The following TRIM4 variants were observed in gnomAD, a reference collection of about 807,000 sequenced individuals.
The protein encoded by TRIM4 is E3 ubiquitin-protein ligase TRIM4.
Under a neutral mutation model 33.7 loss-of-function variants are expected in TRIM4, and 29 were observed. That is an observed-to-expected ratio of 0.86 (90% confidence interval 0.64 to 1.17). The LOEUF (loss-of-function observed/expected upper bound fraction) is 1.17. Ranked by LOEUF, TRIM4 falls within the 50% of genes most tolerant of loss-of-function variation. The pLI, the probability that TRIM4 is intolerant of heterozygous loss-of-function variation, is 0.00. For missense variants in TRIM4, 554 were observed against 593.7 expected (o/e 0.93, Z 0.69); for synonymous variants, 224 against 233.0 (o/e 0.96, Z 0.35).
intron 1 of TRIM4, among the ~76,000 whole-genome samples, chr7:99,915,433 T>G (rs1020768370): frequency 1.3e-5 from 2 of 152,226 alleles, no homozygotes; most frequent in African/African-American, 4.8e-5. Context: ...TCCGGAGATT[T>G]ATGAAGCTAT....
Position 99,890,659 on chromosome 7 carries a change from A to G in TRIM4, c.*1504T>C, listed in dbSNP as rs940473781. 2.0e-5 allele frequency: 3 copies of G among 152,202 alleles called. No individual in the cohort carries two copies. Among genetic ancestry groups the G allele is most frequent in the Non-Finnish European group, 4.4e-5 (3 of 68,022 alleles). 9.4% of individuals were successfully genotyped at this position (152,202 alleles called of 1,614,324 possible). ...TCACATGTTCTCACGTATAAGGGAG[A>G]GCTAAACATTGAGTACCCATGGACA... On this transcript the variant is annotated 3_prime_UTR_variant, in exon 6 of 6. Transcript: ENST00000349062.
chr7:99,918,945 A>C, intron 1 of TRIM4, 64 bp downstream of exon 1: 1 of 1,508,012 alleles, frequency 6.6e-7, no homozygotes, highest in Non-Finnish European at 8.9e-7. Context: ...TTTTAGGAGC[A>C]TTAAGTAAAC....
At chr7:99,898,647 T>C (rs943168313) in intron 5 of TRIM4, among the ~76,000 whole-genome samples, 1 of 152,190 alleles carries the variant, frequency 6.6e-6, no homozygotes, top group Non-Finnish European at 1.5e-5. Flanking sequence ...GAGTTGCAAT[T>C]TGGAGACCTC....
Position 99,919,124 on chromosome 7 carries a change from G to A in TRIM4, c.278C>T (p.Pro93Leu), listed in dbSNP as rs201293187. 66 of 1,515,250 alleles carry A rather than the reference G, an allele frequency of 4.4e-5. No individual in the cohort carries two copies. The African/African-American group carries it at 9.4e-4, about 22-fold the overall frequency. 93.9% of individuals were successfully genotyped at this position (1,515,250 alleles called of 1,614,324 possible). A position where few individuals can be genotyped will look rare whatever the true frequency, so the allele number is the denominator to read the frequency against. Reference sequence around the variant, plus strand: ...GTCGTCCTCGCAGAAGAGCCGCAGCGGCTCCCAGTGGCGGCCGCACAGGCC... The same window carrying A: ...GTCGTCCTCGCAGAAGAGCCGCAGCAGCTCCCAGTGGCGGCCGCACAGGCC... ...PPGLCGRHWEPLRLFCEDDQR... is the reference protein window; with the variant it reads ...PPGLCGRHWELLRLFCEDDQR... Residue 93 changes from proline to leucine, a missense_variant, in exon 1 of 6, where the codon CCG becomes CTG. By Grantham distance (98) the Pro-to-Leu change is moderately conservative. Transcript: ENST00000349062.
At chr7:99,906,362 T>TG (rs1819306581) in intron 3 of TRIM4, among the ~76,000 whole-genome samples, 1 of 149,064 alleles carries the variant, frequency 6.7e-6, no homozygotes, top group South Asian at 2.1e-4. Flanking sequence ...GTGTCATACT[T>TG]TTTTTTTTTA....
chr7:99,917,292 A>T (rs1562780173), intron 1 of TRIM4, among the ~76,000 whole-genome samples: 1 of 152,268 alleles, frequency 6.6e-6, no homozygotes, highest in Non-Finnish European at 1.5e-5. Flanking sequence ...AATAGTAAGC[A>T]TCAATAAACG....
chr7:99,905,724 T>C (rs1819286793), intron 3 of TRIM4, among the ~76,000 whole-genome samples: 1 of 152,172 alleles, frequency 6.6e-6, no homozygotes, highest in Admixed American at 6.5e-5. Context: ...AAAATCACCC[T>C]GATTCAAAAC....
chr7:99,892,435 A>C lies in TRIM4; in HGVS notation c.1153T>G (p.Ser385Ala). Residue 385 changes from serine (S) to alanine (A), a missense_variant, in exon 6 of 6, where the codon TCC becomes GCC. This residue lies in a region of TRIM4 where 290 missense variants were observed against 335.8 expected (regional missense o/e 0.86). Transcript: ENST00000349062. Reference sequence around the variant, plus strand: ...ATCGCCCAGATGCCCACATCTGGGGACATTTTTGAACGATCAGTAATTCCC... The same window carrying C: ...ATCGCCCAGATGCCCACATCTGGGGCCATTTTTGAACGATCAGTAATTCCC... ...VMGITDRSKM[S>A]PDVGIWAIYW... 6.2e-7 allele frequency: 1 copy of C among 1,614,106 alleles called. No individual in the cohort carries two copies.
rs1818897425 is a variant in TRIM4 at position 99,891,782 on chromosome 7, C to T, written c.*381G>A. The T allele has an allele frequency of 5.4e-6, 1 of 185,096 alleles. No individual in the cohort carries two copies. The highest frequency in any genetic ancestry group is 1.1e-5 in the Non-Finnish European group (1 of 87,886). 11.5% of individuals were successfully genotyped at this position (185,096 alleles called of 1,614,324 possible). The stretch of plus-strand genomic sequence containing the variant: ...CGTAATTATCTCATATAACAAGAAG[C>T]TTGGCATGAAGGAAATTTCAACAAT... On this transcript the variant is annotated 3_prime_UTR_variant, in exon 6 of 6. Transcript: ENST00000349062.
chr7:99,896,440 A>G (rs899277362), intron 5 of TRIM4, among the ~76,000 whole-genome samples: 1 of 152,220 alleles, frequency 6.6e-6, no homozygotes, highest in Non-Finnish European at 1.5e-5. Flanking sequence ...GCAGGTTGCT[A>G]AGTGAAAATG....
chr7:99,917,883 G>T, intron 1 of TRIM4: 2 of 982,676 alleles, frequency 2.0e-6, no homozygotes, highest in Non-Finnish European at 2.4e-6. Flanking sequence ...AAGCTAAAAG[G>T]ATCTAAAGGA....
At chr7:99,914,953 G>C (rs1819521327) in intron 1 of TRIM4, among the ~76,000 whole-genome samples, 2 of 151,992 alleles carry the variant, frequency 1.3e-5, no homozygotes, top group Admixed American at 6.6e-5. Flanking sequence ...GGGATTACAG[G>C]TGCCCACCGC....
At position 99,891,896 on chromosome 7, in the gene TRIM4, C is replaced by G. The variant is rs1220195125; in HGVS notation, c.*267G>C. On this transcript the variant is annotated 3_prime_UTR_variant, in exon 6 of 6. Transcript: ENST00000349062. ...AATATGGCTGCTAACATCCATATGT[C>G]TTCCCCGCACATCTCTTTAAAAGCT... The G allele has an allele frequency of 2.7e-6, 1 of 370,028 alleles. No individual in the cohort carries two copies. The highest frequency in any genetic ancestry group is 2.0e-5 in the African/African-American group (1 of 48,864). 22.9% of individuals were successfully genotyped at this position (370,028 alleles called of 1,614,324 possible).
chr7:99,913,407 G>T (rs1475501643), intron 1 of TRIM4, among the ~76,000 whole-genome samples: 1 of 152,160 alleles, frequency 6.6e-6, no homozygotes, highest in Non-Finnish European at 1.5e-5. Flanking sequence ...GGTGGCTCAC[G>T]CCTGTAATCC....
At position 99,895,937 on chromosome 7, in the gene TRIM4, A is replaced by T. The variant is rs752133575; in HGVS notation, c.842-3191T>A. On this transcript the variant is annotated intron_variant, in intron 5 of 5. Transcript: ENST00000349062. ...TAATGTGTTTCTTTTCCAGTAAAAA[A>T]TTGGGTCTTATTTTTTTTTTTTAGC... Among the ~76,000 whole-genome samples, 16 of 151,930 alleles carry T rather than the reference A, an allele frequency of 1.1e-4. No homozygotes were observed. In the Middle Eastern group the frequency reaches 0.014, roughly 129 times the overall value.
At position 99,897,057 on chromosome 7, in the gene TRIM4, T is replaced by C. The variant is rs114408406; in HGVS notation, c.842-4311A>G. The stretch of plus-strand genomic sequence containing the variant: ...AAAATGGAGACACTGGTTTGTTGCA[T>C]AGCCTGTTTGAAGGGTCACTGACTG... On this transcript the variant is annotated intron_variant, in intron 5 of 5. Transcript: ENST00000349062. Among the ~76,000 whole-genome samples the C allele has an allele frequency of 9.9e-3, 1,513 of 152,304 alleles. 21 individuals are homozygous for C. The highest frequency in any genetic ancestry group is 0.03 in the African/African-American group (1,241 of 41,554).
rs1818902780 is a variant in TRIM4 at position 99,892,073 on chromosome 7, A to G, written c.*90T>C. The G allele has an allele frequency of 1.9e-5, 22 of 1,170,878 alleles. No individual in the cohort carries two copies. The highest frequency in any genetic ancestry group is 2.4e-5 in the Non-Finnish European group (20 of 841,580). 72.5% of individuals were successfully genotyped at this position (1,170,878 alleles called of 1,614,324 possible). Reference sequence around the variant, plus strand: ...AGACCCAGAAGATGGACCATCCAGGATAGAGACATGAAGGGCAGAAGAGGG... The same window carrying G: ...AGACCCAGAAGATGGACCATCCAGGGTAGAGACATGAAGGGCAGAAGAGGG... On this transcript the variant is annotated 3_prime_UTR_variant, in exon 6 of 6. Coordinates refer to ENST00000349062, the MANE Select transcript of TRIM4 (RefSeq NM_033091.3).
chr7:99,916,849 G>A, intron 1 of TRIM4: 1 of 762,468 alleles, frequency 1.3e-6, no homozygotes. Flanking sequence ...CTGCCTGAAA[G>A]AGAAAGTTCA....
intron 5 of TRIM4, among the ~76,000 whole-genome samples, chr7:99,897,596 C>T (rs1249310392): frequency 6.6e-6 from 1 of 152,142 alleles, no homozygotes; most frequent in Non-Finnish European, 1.5e-5. Flanking sequence ...AAAGATTTCT[C>T]AAGTCGGTTC....
Sources: allele counts gnomAD v4.1 joint callset (sites outside exome capture counted in the v4.1 genomes callset), GRCh38; gene constraint gnomAD v4.1.1; regional missense constraint gnomAD v4.1.1; transcripts MANE v1.5; gene names NCBI Gene and HGNC (gene_info 2026-07-23, HGNC 2026-07-21).